Variants in TBCE observed in about 807,000 individuals in gnomAD.
The protein encoded by TBCE is tubulin-specific chaperone E.
TBCE carries 53 observed loss-of-function variants against 77.0 expected under a neutral mutation model. The observed-to-expected ratio is 0.69, with a 90% CI of 0.55 to 0.87. The LOEUF is 0.87. Among genes scored for constraint, TBCE ranks in the 40% least tolerant of loss-of-function variants. The pLI, the probability that TBCE is intolerant of heterozygous loss-of-function variation, is 0.00. For synonymous variants in TBCE, 235 were observed against 241.3 expected (o/e 0.97, Z 0.24); for missense variants, 624 against 622.4 (o/e 1.00, Z -0.03).
intron 5 of TBCE, among the ~76,000 whole-genome samples, chr1:235,420,481 ATTTTTTTTTTT>A (rs36062739): frequency 9.3e-6 from 1 of 107,106 alleles, no homozygotes; most frequent in African/African-American, 3.8e-5. Context: ...TGTCTGGCTA[ATTTTTTTTTTT>A]TTTTTTTTTG....
At chr1:235,398,747 C>G (rs1230746930) in intron 2 of TBCE, among the ~76,000 whole-genome samples, 2 of 118,656 alleles carry the variant, frequency 1.7e-5, no homozygotes, top group Admixed American at 9.1e-5. Context: ...GTAGCTGGGA[C>G]TACAGCTACT....
At chr1:235,444,097 T>C (rs551974175) in intron 15 of TBCE, among the ~76,000 whole-genome samples, 2 of 152,322 alleles carry the variant, frequency 1.3e-5, no homozygotes, top group African/African-American at 2.4e-5. Context: ...TAAATTCACA[T>C]TGATTTTTAA....
chr1:235,446,617 T>C (rs954458112), intron 15 of TBCE, among the ~76,000 whole-genome samples: 2 of 152,158 alleles, frequency 1.3e-5, no homozygotes, highest in African/African-American at 4.8e-5. Flanking sequence ...ACAGTCATGT[T>C]ACTATATTAA....
chr1:235,388,447 C>T (rs1340092225), intron 2 of TBCE, among the ~76,000 whole-genome samples: 8 of 151,944 alleles, frequency 5.3e-5, no homozygotes, highest in Non-Finnish European at 1.2e-4. Context: ...CACCACCACA[C>T]CCAGCTAATT....
intron 2 of TBCE, among the ~76,000 whole-genome samples, chr1:235,397,505 G>A (rs1300957900): frequency 6.6e-6 from 1 of 152,158 alleles, no homozygotes; most frequent in Admixed American, 6.5e-5. Context: ...AAGCCACCGC[G>A]TCCGGCACTT....
chr1:235,368,523 T>G (rs951567274), intron 1 of TBCE, among the ~76,000 whole-genome samples: 6 of 147,358 alleles, frequency 4.1e-5, no homozygotes, highest in Admixed American at 6.8e-5. Flanking sequence ...TATCTCTGGG[T>G]TTTTTTTTTA....
chr1:235,419,456 C>G lies in TBCE; in HGVS notation c.372-17C>G, dbSNP rs1459914676. 1.2e-6 allele frequency: 2 copies of G among 1,613,852 alleles called. No individual in the cohort carries two copies. Among genetic ancestry groups the G allele is most frequent in the African/African-American group, 1.3e-5 (1 of 74,868 alleles). ...ATACGTGCTTATGTATCCATGTGAACTCTGTTTTTCATGCAGTCAGCTGAG... is the reference window on the plus strand; with the variant it reads ...ATACGTGCTTATGTATCCATGTGAAGTCTGTTTTTCATGCAGTCAGCTGAG... On this transcript the variant is annotated splice_polypyrimidine_tract_variant and intron_variant, in intron 4 of 16. Transcript: ENST00000642610.
At chr1:235,408,951 T>A (rs895146950) in intron 3 of TBCE, among the ~76,000 whole-genome samples, 3 of 151,702 alleles carry the variant, frequency 2.0e-5, no homozygotes, top group Non-Finnish European at 4.4e-5. Context: ...GTTGCCAGAT[T>A]CAGCAAACAA....
At chr1:235,417,222 C>T (rs1195004701) in intron 4 of TBCE, among the ~76,000 whole-genome samples, 1 of 152,112 alleles carries the variant, frequency 6.6e-6, no homozygotes, top group African/African-American at 2.4e-5. Context: ...GATCTGAGTC[C>T]TCATGCTTAG....
At chr1:235,379,759 G>A (rs563383053) in intron 1 of TBCE, among the ~76,000 whole-genome samples, 5 of 151,944 alleles carry the variant, frequency 3.3e-5, no homozygotes, top group Non-Finnish European at 1.5e-5. Context: ...GACCAGCCTG[G>A]GCAATGTAGC....
chr1:235,450,315 G>GTCTT lies in TBCE; in HGVS notation c.*1554_*1557dup. The GTCTT allele has an allele frequency of 6.2e-7, 1 of 1,613,994 alleles. No homozygotes were observed. The highest frequency in any genetic ancestry group is 8.5e-7 in the Non-Finnish European group (1 of 1,179,890). On this transcript the variant is annotated 3_prime_UTR_variant, in exon 17 of 17. Transcript: ENST00000642610. ...AGAAGACAGCATTCCTGTCTCACAG[G>GTCTT]TCTTCTCACACAGCCACAGACTGTC...
chr1:235,414,718 C>A, intron 4 of TBCE, 100 bp downstream of exon 4: 4 of 1,200,030 alleles, frequency 3.3e-6, no homozygotes, highest in Non-Finnish European at 3.6e-6. Context: ...GACTTTGCTC[C>A]TAAACTGGTT....
chr1:235,448,011 C>G (rs1475229862), intron 15 of TBCE, among the ~76,000 whole-genome samples: 1 of 152,032 alleles, frequency 6.6e-6, no homozygotes, highest in African/African-American at 2.4e-5. Flanking sequence ...GAGTTCAAGA[C>G]CAGCCTGGCC....
rs147400126 is a variant in TBCE at position 235,448,656 on chromosome 1, C to T, written c.1492-14C>T. On this transcript the variant is annotated splice_polypyrimidine_tract_variant and intron_variant, in intron 16 of 16. Transcript: ENST00000642610. ...TCTTAATCACATCCTTCCCCACCTTCGTTCTAATTTTAGAAGCCGGGCAGA... is the reference window on the plus strand; with the variant it reads ...TCTTAATCACATCCTTCCCCACCTTTGTTCTAATTTTAGAAGCCGGGCAGA... The T allele has an allele frequency of 2.4e-4, 386 of 1,606,826 alleles. 2 individuals are homozygous for T. In the East Asian group the frequency reaches 7.1e-3, roughly 30 times the overall value.
In TBCE at chr1:235,438,825, TGA is replaced by T; in HGVS notation, c.1175_1176del (p.Glu392ValfsTer8). ...ELDYRKAFGNEWKQAGGHKDP... is the reference protein window; with the variant it reads ...ELDYRKAFGNXWKQAGGHKDP... ...TTGACTACCGAAAAGCTTTTGGAAA[TGA>T]GTGGAAACAGGCTGGTGGACATAAG... On this transcript the variant is annotated frameshift_variant, in exon 13 of 17. Transcript: ENST00000642610. LOFTEE classifies it high-confidence loss of function. 1.2e-6 allele frequency: 2 copies of T among 1,613,946 alleles called. No homozygotes were observed. The highest frequency in any genetic ancestry group is 1.7e-6 in the Non-Finnish European group (2 of 1,179,996).
intron 3 of TBCE, among the ~76,000 whole-genome samples, chr1:235,402,807 AT>A (rs1679195517): frequency 1.3e-5 from 2 of 152,010 alleles, no homozygotes; most frequent in African/African-American, 4.8e-5. Context: ...AAAAATAAAA[AT>A]AAAAAAGAGA....
At chr1:235,427,667 G>A (rs1480156513) in intron 6 of TBCE, among the ~76,000 whole-genome samples, 2 of 152,176 alleles carry the variant, frequency 1.3e-5, no homozygotes, top group Non-Finnish European at 2.9e-5. Context: ...CTGTGTAAAT[G>A]TCATGCCTGA....
At chr1:235,397,077 C>T (rs1355237101) in intron 2 of TBCE, among the ~76,000 whole-genome samples, 5 of 152,034 alleles carry the variant, frequency 3.3e-5, no homozygotes, top group African/African-American at 4.8e-5. Flanking sequence ...CTGGCTCAAG[C>T]GATTCTTTTG....
chr1:235,371,435 A>G (rs10754620), intron 1 of TBCE, among the ~76,000 whole-genome samples: 108,553 of 146,854 alleles, frequency 0.74, 41,123 homozygotes, highest in African/African-American at 0.93. Context: ...TAGTGCACTG[A>G]CACGATCTTG....
Sources: allele counts gnomAD v4.1 joint callset (sites outside exome capture counted in the v4.1 genomes callset), GRCh38; gene constraint gnomAD v4.1.1; transcripts MANE v1.5; gene names NCBI Gene and HGNC (gene_info 2026-07-23, HGNC 2026-07-21).